TPM1: variants seen among roughly 807,000 people sequenced by gnomAD.
TPM1 encodes tropomyosin alpha-1 chain.
TPM1 carries 24 observed loss-of-function variants against 42.9 expected under a neutral mutation model. The ratio of observed to expected loss-of-function variants is 0.56; its 90% CI spans 0.41 to 0.79. The LOEUF is 0.79. Ranked by LOEUF, TPM1 falls within the 30% of genes least tolerant of loss-of-function variation. TPM1 has a pLI of 0.00. For missense variants in TPM1, 158 were observed against 351.8 expected (o/e 0.45, Z 4.41); for synonymous variants, 136 against 130.1 (o/e 1.05, Z -0.31).
chr15:63,067,593 T>C (rs1391507973), downstream of TPM1, among the ~76,000 whole-genome samples: 1 of 152,150 alleles, frequency 6.6e-6, no homozygotes, highest in African/African-American at 2.4e-5. Flanking sequence ...TTTCTATAAG[T>C]ACACTCTACA....
At chr15:63,069,638 C>T (rs1294669456), downstream of TPM1, among the ~76,000 whole-genome samples, 2 of 152,202 alleles carry the variant, frequency 1.3e-5, no homozygotes, top group African/African-American at 4.8e-5. Flanking sequence ...CCCCTCCTTT[C>T]CTCACCAAGA....
chr15:63,053,441 C>T (rs1044803069), intron 2 of TPM1, among the ~76,000 whole-genome samples: 2 of 152,032 alleles, frequency 1.3e-5, no homozygotes, highest in Non-Finnish European at 2.9e-5. Context: ...ATGCTGGGAG[C>T]CTAGTGACTT....
intron 2 of TPM1, among the ~76,000 whole-genome samples, chr15:63,055,224 C>T (rs1201180089): frequency 6.6e-6 from 1 of 152,210 alleles, no homozygotes. Context: ...AAATGCTCTT[C>T]CTCTGATTTA....
Position 63,066,075 on chromosome 15 carries a change from A to G in TPM1, c.*176A>G, listed in dbSNP as rs2036255090. The G allele has an allele frequency of 2.6e-6, 4 of 1,532,368 alleles. No individual in the cohort carries two copies. Among genetic ancestry groups the G allele is most frequent in the Non-Finnish European group, 3.5e-6 (4 of 1,144,674 alleles). The allele number at this position is 1,532,368 out of a possible 1,614,324, so 94.9% of individuals were successfully genotyped here. ...CAGAAGCTCTTCGTTTCAGTGTCAA[A>G]TAAACACTGTGTAAGCTATTTCTGT... On this transcript the variant is annotated 3_prime_UTR_variant, in exon 10 of 10. Coordinates refer to ENST00000403994, the MANE Select transcript of TPM1 (RefSeq NM_001018005.2).
At chr15:63,060,786 G>A in intron 4 of TPM1, 83 bp from the exon 5 acceptor site, 3 of 1,476,394 alleles carry the variant, frequency 2.0e-6, no homozygotes, top group East Asian at 2.3e-5. Context: ...GGGCCTGATG[G>A]GATCTGATCT....
At chr15:63,062,851 C>T in intron 8 of TPM1, 2 of 1,525,392 alleles carry the variant, frequency 1.3e-6, no homozygotes, top group Non-Finnish European at 1.8e-6. Context: ...TAGCCACCAG[C>T]CATAGTGGCA....
chr15:63,060,338 C>G (rs559579847), intron 4 of TPM1, among the ~76,000 whole-genome samples: 7 of 152,324 alleles, frequency 4.6e-5, no homozygotes, highest in Admixed American at 1.3e-4. Context: ...TGATCTGCTT[C>G]AGAGGCTCCC....
chr15:63,050,589 C>T (rs923544648), intron 2 of TPM1, among the ~76,000 whole-genome samples: 3 of 152,340 alleles, frequency 2.0e-5, no homozygotes, highest in East Asian at 1.9e-4. Context: ...ATAGTACTTT[C>T]GTTCTTTTCA....
chr15:63,043,557 G>C, intron 1 of TPM1: 1 of 1,292,166 alleles, frequency 7.7e-7, no homozygotes, highest in Non-Finnish European at 1.1e-6. Context: ...TCCAGCTCGG[G>C]TAAAGAGGAA....
downstream of TPM1, among the ~76,000 whole-genome samples, chr15:63,066,841 C>T (rs150343029): frequency 2.5e-3 from 377 of 151,722 alleles, no homozygotes; most frequent in African/African-American, 8.7e-3. Context: ...TCTTTGTGTT[C>T]AATGGCTGTG....
At chr15:63,063,987 C>G in intron 8 of TPM1, 77 bp from the exon 9 acceptor site, 1 of 1,588,234 alleles carries the variant, frequency 6.3e-7, no homozygotes, top group Non-Finnish European at 8.6e-7. Context: ...ATGGTGCGCG[C>G]ACCACCCTCA....
chr15:63,066,175 C>A lies in TPM1; in HGVS notation c.*276C>A. ...AATAAAACTACAAAGCTGCTTCACA[C>A]ATATGAGGGTTAGTGTTTGGCTGCT... On this transcript the variant is annotated 3_prime_UTR_variant, in exon 10 of 10. Transcript: ENST00000403994. 2 of 1,434,808 alleles carry A rather than the reference C, an allele frequency of 1.4e-6. No homozygotes were observed. The highest frequency in any genetic ancestry group is 1.8e-6 in the Non-Finnish European group (2 of 1,104,356). 88.9% of individuals were successfully genotyped at this position (1,434,808 alleles called of 1,614,324 possible). A position where few individuals can be genotyped will look rare whatever the true frequency, so the allele number is the denominator to read the frequency against.
chr15:63,065,710 G>A (rs1435014468), intron 9 of TPM1, 186 bp from the exon 10 acceptor site: 32 of 936,614 alleles, frequency 3.4e-5, no homozygotes, highest in Non-Finnish European at 3.7e-5. Flanking sequence ...GCCGAAAGGC[G>A]GCCTGTGACG....
chr15:63,048,332 A>T, intron 2 of TPM1: 1 of 1,012,488 alleles, frequency 9.9e-7, no homozygotes, highest in Non-Finnish European at 1.3e-6. Context: ...GCCCCCAGCC[A>T]GTCCCGGGAT....
intron 2 of TPM1, chr15:63,049,312 C>G (rs2140757123): frequency 6.5e-6 from 1 of 153,676 alleles, no homozygotes; most frequent in Admixed American, 6.5e-5. Context: ...TAACCCGTCC[C>G]TTTTTTCAGC....
chr15:63,059,484 C>T (rs1021739585), intron 3 of TPM1, 79 bp from the exon 4 acceptor site: 52 of 1,168,912 alleles, frequency 4.4e-5, no homozygotes, highest in Non-Finnish European at 6.2e-5. Context: ...CACTAAGCCT[C>T]ACAAGCCACA....
chr15:63,065,818 G>A, intron 9 of TPM1, 78 bp from the exon 10 acceptor site: 1 of 1,505,738 alleles, frequency 6.6e-7, no homozygotes, highest in Non-Finnish European at 9.0e-7. Context: ...CTCATCTATT[G>A]GTTTGGTTTC....
intron 4 of TPM1, among the ~76,000 whole-genome samples, chr15:63,060,322 A>T (rs1266611235): frequency 6.6e-6 from 1 of 152,104 alleles, no homozygotes; most frequent in East Asian, 1.9e-4. Flanking sequence ...CTATGCTCAC[A>T]AGTTTTGATC....
At chr15:63,048,518 C>T in intron 2 of TPM1, 1 of 1,491,518 alleles carries the variant, frequency 6.7e-7, no homozygotes, top group Non-Finnish European at 8.9e-7. Context: ...GCCGGGTCCG[C>T]AGGGCAGCAG....
Sources: gnomAD v4.1 joint callset for allele counts (sites outside exome capture counted in the v4.1 genomes callset) on GRCh38, gnomAD v4.1.1 for gene constraint, MANE v1.5 for transcripts, NCBI Gene and HGNC (gene_info 2026-07-23, HGNC 2026-07-21) for gene names.